The following CBLB variants were observed in gnomAD, a reference collection of about 807,000 sequenced individuals.
CBLB encodes the protein E3 ubiquitin-protein ligase CBL-B.
Under a neutral mutation model 104.9 loss-of-function variants are expected in CBLB, and 31 were observed. That is an observed-to-expected ratio of 0.30 (90% CI 0.22 to 0.40). The LOEUF is 0.40. Ranked by LOEUF, CBLB falls within the 10% of genes least tolerant of loss-of-function variation. The pLI, the probability that CBLB is intolerant of heterozygous loss-of-function variation, is 1.00. For missense variants in CBLB, 1,062 were observed against 1,214.6 expected, an observed-to-expected ratio of 0.87 and a Z score of 1.87; for synonymous variants, 440 against 422.6, an observed-to-expected ratio of 1.04 and a Z score of -0.51.
intron 8 of CBLB, among the ~76,000 whole-genome samples, chr3:105,735,145 A>T (rs903222377): frequency 1.3e-5 from 2 of 152,190 alleles, no homozygotes; most frequent in African/African-American, 4.8e-5. Flanking sequence ...AGACTACTAA[A>T]ATATATTATA....
intron 4 of CBLB, among the ~76,000 whole-genome samples, chr3:105,754,517 G>C (rs912098518): frequency 8.9e-5 from 9 of 101,080 alleles, no homozygotes; most frequent in East Asian, 3.4e-4. Flanking sequence ...GAGAGAGAGA[G>C]AGAGACAGAG....
chr3:105,695,000 A>G (rs115411423), intron 12 of CBLB, among the ~76,000 whole-genome samples: 1 of 151,840 alleles, frequency 6.6e-6, no homozygotes, highest in East Asian at 1.9e-4. Context: ...ACAAACACAC[A>G]TATCAAACCA....
At chr3:105,828,924 A>C (rs2086996656) in intron 3 of CBLB, among the ~76,000 whole-genome samples, 1 of 152,160 alleles carries the variant, frequency 6.6e-6, no homozygotes, top group Non-Finnish European at 1.5e-5. Context: ...AAGGTGAGAA[A>C]ACATTTTAAC....
intron 12 of CBLB, among the ~76,000 whole-genome samples, chr3:105,696,057 C>CATAT (rs1034056814): frequency 1.3e-5 from 2 of 151,290 alleles, no homozygotes; most frequent in African/African-American, 2.4e-5. Flanking sequence ...TATACACATA[C>CATAT]ATATATATAC....
intron 17 of CBLB, among the ~76,000 whole-genome samples, chr3:105,677,354 A>C (rs2065779091): frequency 6.6e-6 from 1 of 151,082 alleles, no homozygotes; most frequent in Admixed American, 6.6e-5. Context: ...ACCAAGTAAA[A>C]AAAAAAAAAA....
intron 3 of CBLB, among the ~76,000 whole-genome samples, chr3:105,782,578 C>CTTTTTTT (rs11333516): frequency 7.3e-6 from 1 of 137,518 alleles, no homozygotes; most frequent in African/African-American, 2.7e-5. Flanking sequence ...CTTTTCTTTT[C>CTTTTTTT]TTTTTTTTTT....
At position 105,868,798 on chromosome 3, in the gene CBLB, G is replaced by A. The variant is rs1706628896; in HGVS notation, c.-77C>T. The A allele has an allele frequency of 5.0e-6, 5 of 992,106 alleles. No homozygotes were observed. Among genetic ancestry groups the A allele is most frequent in the Non-Finnish European group, 6.0e-6 (5 of 834,482 alleles). The allele number at this position is 992,106 out of a possible 1,614,324, so 61.5% of individuals were successfully genotyped here. ...GCGGGTCCCACTCCACACGCACGCA[G>A]CCCAGTGTGTGTGGGGAGCCCCGGC... On this transcript the variant is annotated 5_prime_UTR_variant, in exon 1 of 19. Transcript: ENST00000394030.
At chr3:105,711,276 G>T (rs1395508846) in intron 10 of CBLB, among the ~76,000 whole-genome samples, 1 of 151,934 alleles carries the variant, frequency 6.6e-6, no homozygotes, top group South Asian at 2.1e-4. Flanking sequence ...TAATAAGGAT[G>T]ATGAGAAGGA....
rs1428770341 is a variant in CBLB, at chr3:105,658,202, G to A, written c.*768C>T. 1.4e-5 allele frequency: 3 copies of A among 215,428 alleles called. No homozygotes were observed. The highest frequency in any genetic ancestry group is 2.8e-5 in the Non-Finnish European group (3 of 106,704). The allele number at this position is 215,428 out of a possible 1,614,324, so 13.3% of individuals were successfully genotyped here. On this transcript the variant is annotated 3_prime_UTR_variant, in exon 19 of 19. Transcript: ENST00000394030. ...TTTACAGTTGTGACACCCCTGGGAT[G>A]ACAGACATGAGAATATGGAGGATTA...
chr3:105,758,966 T>C (rs1210728779), intron 4 of CBLB, among the ~76,000 whole-genome samples: 2 of 152,170 alleles, frequency 1.3e-5, no homozygotes, highest in East Asian at 3.9e-4. Context: ...GGGTGGAGGG[T>C]GGGCACATTT....
intron 13 of CBLB, among the ~76,000 whole-genome samples, chr3:105,685,984 G>A (rs2066951428): frequency 6.6e-6 from 1 of 152,152 alleles, no homozygotes; most frequent in African/African-American, 2.4e-5. Context: ...TGAAATTATA[G>A]TTGAAGTTGT....
chr3:105,724,617 C>A (rs1196229671), intron 9 of CBLB, among the ~76,000 whole-genome samples: 1 of 151,960 alleles, frequency 6.6e-6, no homozygotes, highest in African/African-American at 2.4e-5. Flanking sequence ...AATAAGAAAA[C>A]TAAGGAAACA....
intron 3 of CBLB, among the ~76,000 whole-genome samples, chr3:105,791,117 G>A (rs1212502185): frequency 6.6e-6 from 1 of 152,182 alleles, no homozygotes; most frequent in Non-Finnish European, 1.5e-5. Context: ...TTTCTCTGTT[G>A]TAAGATAACA....
chr3:105,846,505 G>A (rs1474219813), intron 3 of CBLB, among the ~76,000 whole-genome samples: 3 of 152,026 alleles, frequency 2.0e-5, no homozygotes, highest in Admixed American at 2.0e-4. Flanking sequence ...GACTGAGGTA[G>A]CAACAGTAGC....
intron 2 of CBLB, among the ~76,000 whole-genome samples, chr3:105,856,558 T>C (rs1346427771): frequency 6.6e-6 from 1 of 152,102 alleles, no homozygotes; most frequent in Admixed American, 6.5e-5. Context: ...GCTGAGTACA[T>C]AACCAACAAA....
Position 105,789,912 on chromosome 3 carries a change from G to A in CBLB, c.420-13370C>T, listed in dbSNP as rs1178260805. Among the ~76,000 whole-genome samples the A allele has an allele frequency of 1.3e-4, 20 of 151,896 alleles. No individual in the cohort carries two copies. In the South Asian group the frequency reaches 1.5e-3, roughly 11 times the overall value. The stretch of plus-strand genomic sequence containing the variant: ...CTGATTTTTTTAGCGTAATTCTTTC[G>A]GCATCCAGCTGTACCTGACCTTTCA... On this transcript the variant is annotated intron_variant, in intron 3 of 18. Transcript: ENST00000394030.
chr3:105,687,475 A>G (rs555109028), intron 13 of CBLB, among the ~76,000 whole-genome samples: 17 of 152,224 alleles, frequency 1.1e-4, no homozygotes, highest in Non-Finnish European at 2.2e-4. Context: ...AGCAAAGCTC[A>G]TCTAATACTT....
intron 2 of CBLB, among the ~76,000 whole-genome samples, chr3:105,860,502 T>G (rs2091998837): frequency 6.6e-6 from 1 of 152,182 alleles, no homozygotes; most frequent in Non-Finnish European, 1.5e-5. Context: ...AAACCTAGGA[T>G]CTGGCCCTAA....
chr3:105,683,932 A>C (rs190236552), intron 14 of CBLB, among the ~76,000 whole-genome samples: 121 of 152,380 alleles, frequency 7.9e-4, no homozygotes, highest in Admixed American at 2.9e-3. Flanking sequence ...TCACTTATTA[A>C]GACAGACATC....
Sources: allele counts gnomAD v4.1 joint callset (sites outside exome capture counted in the v4.1 genomes callset), GRCh38; gene constraint gnomAD v4.1.1; transcripts MANE v1.5; gene names NCBI Gene and HGNC (gene_info 2026-07-23, HGNC 2026-07-21).